Variants in SLC49A4 observed in about 807,000 individuals in gnomAD.
SLC49A4 encodes the protein solute carrier family 49 member 4, also known as disrupted in renal cancer protein 2.
In SLC49A4, 36 loss-of-function variants were observed where a neutral mutation model predicts 50.6. The ratio of observed to expected loss-of-function variants is 0.71; its 90% CI spans 0.55 to 0.94. The LOEUF (loss-of-function observed/expected upper bound fraction) is 0.94, where lower values mean the gene tolerates loss of function less well. Ranked by LOEUF, SLC49A4 falls within the 40% of genes least tolerant of loss-of-function variation. The pLI is 0.00. For synonymous variants in SLC49A4, 248 were observed against 241.2 expected, an observed-to-expected ratio of 1.03 and a Z score of -0.26; for missense variants, 503 against 605.7, an observed-to-expected ratio of 0.83 and a Z score of 1.78.
At chr3:122,820,858 T>C (rs1420583790) in intron 2 of SLC49A4, among the ~76,000 whole-genome samples, 1 of 152,176 alleles carries the variant, frequency 6.6e-6, no homozygotes, top group Non-Finnish European at 1.5e-5. Context: ...CTCTCTAGTC[T>C]CCACCATTCC....
intron 5 of SLC49A4, among the ~76,000 whole-genome samples, chr3:122,851,638 G>C (rs72968352): frequency 6.6e-6 from 1 of 151,884 alleles, no homozygotes; most frequent in Non-Finnish European, 1.5e-5. Flanking sequence ...TTCTACTTGA[G>C]GTTTACACAA....
intron 3 of SLC49A4, among the ~76,000 whole-genome samples, chr3:122,827,716 A>C (rs764721840): frequency 6.6e-6 from 1 of 152,178 alleles, no homozygotes; most frequent in Non-Finnish European, 1.5e-5. Context: ...CACTTTTTGT[A>C]GGTGTTTACT....
At chr3:122,870,683 C>T (rs958030939) in intron 7 of SLC49A4, among the ~76,000 whole-genome samples, 47 of 151,584 alleles carry the variant, frequency 3.1e-4, no homozygotes, top group Admixed American at 7.9e-4. Flanking sequence ...CATGGTGGCA[C>T]GAACCTGTAA....
intron 2 of SLC49A4, among the ~76,000 whole-genome samples, chr3:122,816,037 C>T (rs1560200688): frequency 6.6e-6 from 1 of 152,138 alleles, no homozygotes; most frequent in African/African-American, 2.4e-5. Flanking sequence ...GTTCTTATAC[C>T]TGTTGAATCT....
chr3:122,823,045 C>T (rs1159073533), intron 2 of SLC49A4, among the ~76,000 whole-genome samples: 1 of 152,132 alleles, frequency 6.6e-6, no homozygotes, highest in Non-Finnish European at 1.5e-5. Context: ...TGAGGGTGTC[C>T]CATTCTGGCT....
intron 8 of SLC49A4, among the ~76,000 whole-genome samples, chr3:122,876,666 G>C (rs1228328143): frequency 2.0e-5 from 3 of 152,154 alleles, no homozygotes; most frequent in African/African-American, 7.2e-5. Context: ...TCTGGAGAGT[G>C]GTAGCTGGAA....
Position 122,826,846 on chromosome 3 carries a change from G to A in SLC49A4, c.484G>A (p.Val162Ile), listed in dbSNP as rs772325863. The A allele has an allele frequency of 3.7e-6, 6 of 1,614,030 alleles. No individual in the cohort carries two copies. The highest frequency in any genetic ancestry group is 2.7e-5 in the African/African-American group (2 of 74,926). The change falls in exon 3 of 9, where the codon GTA becomes ATA. Residue 162 changes from valine (V) to isoleucine (I), a missense_variant. Coordinates refer to ENST00000261038, the MANE Select transcript of SLC49A4 (RefSeq NM_032839.3). The part of the protein sequence containing the change: ...QMLNGLAGPT[V>I]MNAAPFLSTT... ...GTTAAATGGATTGGCAGGTCCAACT[G>A]TAATGAATGCAGCACCATTTCTCTC...
At position 122,879,430 on chromosome 3, in the gene SLC49A4, C is replaced by A; in HGVS notation, c.*52C>A. The A allele has an allele frequency of 7.5e-7, 1 of 1,334,780 alleles. No homozygotes were observed. Among genetic ancestry groups the A allele is most frequent in the Non-Finnish European group, 1.1e-6 (1 of 942,514 alleles). 82.7% of individuals were successfully genotyped at this position (1,334,780 alleles called of 1,614,324 possible). ...GGAGGCTGGAAATCAATACTGCACA[C>A]TGCACATTTGCTCAGAATTGCACAT... On this transcript the variant is annotated 3_prime_UTR_variant, in exon 9 of 9. Coordinates refer to ENST00000261038, the MANE Select transcript of SLC49A4 (RefSeq NM_032839.3).
At chr3:122,851,476 A>G (rs183117344) in intron 5 of SLC49A4, among the ~76,000 whole-genome samples, 73 of 152,196 alleles carry the variant, frequency 4.8e-4, no homozygotes, top group Non-Finnish European at 1.0e-4. Flanking sequence ...TTGAAAAAAA[A>G]GATCCATTTT....
intron 4 of SLC49A4, among the ~76,000 whole-genome samples, chr3:122,842,401 G>A (rs1369783772): frequency 6.7e-6 from 1 of 150,294 alleles, no homozygotes; most frequent in Non-Finnish European, 1.5e-5. Flanking sequence ...CAGGAGAATG[G>A]CGTGAACCCG....
chr3:122,865,857 TTTCTTGATTCTACTCCTTAAGATATAA>T (rs1560237879), intron 7 of SLC49A4, among the ~76,000 whole-genome samples: 2 of 152,216 alleles, frequency 1.3e-5, no homozygotes, highest in Admixed American at 1.3e-4. Flanking sequence ...TTCAGGGACA[TTTCTTGATTCTACTCCTTAAGATATAA>T]TTCTTGATTC....
At position 122,827,049 on chromosome 3, in the gene SLC49A4, G is replaced by A. The variant is rs754201351; in HGVS notation, c.687G>A (p.Glu229=). The A allele has an allele frequency of 2.2e-5, 35 of 1,611,408 alleles. No homozygotes were observed. Among genetic ancestry groups the A allele is most frequent in the Non-Finnish European group, 2.8e-5 (33 of 1,177,706 alleles). ...GGGCGCATATTAAAGATCGCATAGA[G>A]GCTGTGTTATATGCAGGTAATTTGA... ...SSRAHIKDRI[E]AVLYAEFGVV... The change falls in exon 3 of 9, where the codon GAG becomes GAA. Residue 229 remains glutamate (E), a synonymous_variant. Coordinates refer to ENST00000261038, the MANE Select transcript of SLC49A4 (RefSeq NM_032839.3).
At chr3:122,798,499 A>T (rs1300274973) in intron 1 of SLC49A4, among the ~76,000 whole-genome samples, 1 of 152,032 alleles carries the variant, frequency 6.6e-6, no homozygotes, top group African/African-American at 2.4e-5. Flanking sequence ...TCTCTTTATT[A>T]GGAAGTAGTT....
Position 122,879,503 on chromosome 3 carries a change from T to C in SLC49A4, c.*125T>C, listed in dbSNP as rs1937307499. On this transcript the variant is annotated 3_prime_UTR_variant, in exon 9 of 9. Transcript: ENST00000261038. The stretch of plus-strand genomic sequence containing the variant: ...AAAGAAACTTCATTCAGAGGTTTTG[T>C]TAGGTTACAGATTATCACATTAATT... 1 of 717,058 alleles carries C rather than the reference T, an allele frequency of 1.4e-6. No homozygotes were observed. Among genetic ancestry groups the C allele is most frequent in the Non-Finnish European group, 2.4e-6 (1 of 424,474 alleles). 44.4% of individuals were successfully genotyped at this position (717,058 alleles called of 1,614,324 possible). A position where few individuals can be genotyped will look rare whatever the true frequency, so the allele number is the denominator to read the frequency against.
chr3:122,864,300 A>G (rs1024342406), intron 7 of SLC49A4, among the ~76,000 whole-genome samples: 2 of 152,238 alleles, frequency 1.3e-5, no homozygotes, highest in Non-Finnish European at 2.9e-5. Context: ...AAATAACCTC[A>G]TGACCAGATA....
rs377286196 is a variant in SLC49A4, at chr3:122,834,597, A to G, written c.833+1151A>G. Among the ~76,000 whole-genome samples, 21 of 152,340 alleles carry G rather than the reference A, an allele frequency of 1.4e-4. 2 individuals carry two copies. Among genetic ancestry groups the G allele is most frequent in the South Asian group, 1.2e-3 (6 of 4,830 alleles). On this transcript the variant is annotated intron_variant, in intron 4 of 8. Transcript: ENST00000261038. ...GGAAAGTTTATAGCACTAAATGCCTATATCAAAAAGTCTGAAAGATTACAA... is the reference window on the plus strand; with the variant it reads ...GGAAAGTTTATAGCACTAAATGCCTGTATCAAAAAGTCTGAAAGATTACAA...
intron 2 of SLC49A4, among the ~76,000 whole-genome samples, chr3:122,817,721 C>T (rs898745053): frequency 9.4e-5 from 14 of 148,538 alleles, no homozygotes; most frequent in Non-Finnish European, 2.1e-4. Flanking sequence ...CCTGGAACTA[C>T]AGGCATGTGC....
At chr3:122,824,777 G>A (rs1387183274) in intron 2 of SLC49A4, among the ~76,000 whole-genome samples, 1 of 125,952 alleles carries the variant, frequency 7.9e-6, no homozygotes, top group African/African-American at 3.1e-5. Context: ...CTGTCGCCCA[G>A]GCTGTAGTGC....
At chr3:122,819,866 GT>G (rs1383362394) in intron 2 of SLC49A4, among the ~76,000 whole-genome samples, 4 of 151,466 alleles carry the variant, frequency 2.6e-5, no homozygotes, top group African/African-American at 9.7e-5. Context: ...TGAGCTAAGA[GT>G]TTATTTTGAT....
Sources: allele counts gnomAD v4.1 joint callset (sites outside exome capture counted in the v4.1 genomes callset), GRCh38; gene constraint gnomAD v4.1.1; transcripts MANE v1.5; gene names NCBI Gene and HGNC (gene_info 2026-07-23, HGNC 2026-07-21).